The following NHSL2 variants were observed in gnomAD, a reference collection of about 807,000 sequenced individuals.
The protein encoded by NHSL2 is NHS-like protein 2.
In NHSL2, 27 loss-of-function variants were observed where a neutral mutation model predicts 53.4. The ratio of observed to expected loss-of-function variants is 0.51; its 90% CI spans 0.37 to 0.70. The LOEUF is 0.70. Among genes scored for constraint, NHSL2 ranks in the 30% least tolerant of loss-of-function variants. The pLI, the probability that NHSL2 is intolerant of heterozygous loss-of-function variation, is 0.00. For missense variants in NHSL2, 892 were observed against 980.1 expected (o/e 0.91, Z 1.20); for synonymous variants, 408 against 404.1 (o/e 1.01, Z -0.12).
chrX:72,001,562 C>T (rs1200261515), intron 1 of NHSL2, among the ~76,000 whole-genome samples: 1 of 111,870 alleles, frequency 8.9e-6, no homozygotes, highest in African/African-American at 3.3e-5. Context: ...CCCTTGTTTC[C>T]TCCACACTGA....
Position 71,911,193 on chromosome X carries a change from C to G in NHSL2, c.106C>G (p.Leu36Val). ...CGTGAGCCACCTGGCAGCGCTCAGC[C>G]TGCTCCGGCAGCTCGCCGACCTCTG... ...RDVSHLAALS[L>V]LRQLADLCGH... is the part of the protein sequence containing the mutation. The change falls in exon 1 of 8, where the codon CTG (leucine) becomes GTG (valine). Residue 36 changes from leucine to valine, a missense_variant. Physicochemically the swap from Leu to Val is conservative, Grantham distance 32. Coordinates refer to ENST00000633930, the MANE Select transcript of NHSL2 (RefSeq NM_001013627.3). 1.7e-6 allele frequency: 2 copies of G among 1,145,947 alleles called. No individual in the cohort carries two copies. Among genetic ancestry groups the G allele is most frequent in the Non-Finnish European group, 2.3e-6 (2 of 867,926 alleles). 94.4% of individuals were successfully genotyped at this position (1,145,947 alleles called of 1,213,427 possible).
chrX:72,057,719 T>C (rs2042377372), intron 1 of NHSL2, among the ~76,000 whole-genome samples: 1 of 112,085 alleles, frequency 8.9e-6, no homozygotes, highest in African/African-American at 3.3e-5. Context: ...AGGTCAGAGC[T>C]GTTTCTACGA....
At chrX:72,043,919 G>T (rs938999906) in intron 1 of NHSL2, among the ~76,000 whole-genome samples, 14 of 111,988 alleles carry the variant, frequency 1.3e-4, no homozygotes, top group Non-Finnish European at 1.9e-5. Context: ...ACATGAAGGT[G>T]TGGGTTTGTT....
chrX:72,131,933 G>C (rs2042306995), intron 1 of NHSL2, 146 bp from the exon 2 acceptor site: 1 of 536,480 alleles, frequency 1.9e-6, no homozygotes, highest in African/African-American at 2.4e-5. Flanking sequence ...CTTGCGGCCG[G>C]CGATTCCCCG....
intron 1 of NHSL2, among the ~76,000 whole-genome samples, chrX:72,062,100 G>C (rs923976884): frequency 1.8e-5 from 2 of 112,343 alleles, no homozygotes; most frequent in Non-Finnish European, 3.8e-5. Context: ...AAAATCTATT[G>C]AATGAATGAA....
intron 1 of NHSL2, among the ~76,000 whole-genome samples, chrX:72,095,303 A>C (rs765686179): frequency 5.3e-5 from 6 of 112,478 alleles, no homozygotes; most frequent in Admixed American, 3.8e-4. Flanking sequence ...CCCAGAAAAC[A>C]GCTTTTGTTA....
intron 1 of NHSL2, among the ~76,000 whole-genome samples, chrX:72,012,465 T>G (rs1399524248): frequency 8.9e-6 from 1 of 112,582 alleles, no homozygotes; most frequent in Non-Finnish European, 1.9e-5. Context: ...TCCTTCCTTG[T>G]CTAGTCCCGC....
At chrX:71,974,794 C>T (rs182008630) in intron 1 of NHSL2, among the ~76,000 whole-genome samples, 92 of 111,747 alleles carry the variant, frequency 8.2e-4, no homozygotes, top group African/African-American at 2.9e-3. Context: ...TTTCTCCCTC[C>T]CTGAACAATA....
chrX:71,962,216 C>A (rs1417393347), intron 1 of NHSL2, among the ~76,000 whole-genome samples: 1 of 111,602 alleles, frequency 9.0e-6, no homozygotes, highest in Non-Finnish European at 1.9e-5. Context: ...TTGAATTCAG[C>A]CTGCTAATTT....
intron 1 of NHSL2, among the ~76,000 whole-genome samples, chrX:72,049,294 C>T (rs2042326387): frequency 9.0e-6 from 1 of 111,697 alleles, no homozygotes; most frequent in Non-Finnish European, 1.9e-5. Context: ...GCCCAGAATG[C>T]GGATCTGGGG....
At chrX:72,055,047 G>T (rs962683134) in intron 1 of NHSL2, among the ~76,000 whole-genome samples, 2 of 111,704 alleles carry the variant, frequency 1.8e-5, no homozygotes, top group African/African-American at 6.5e-5. Flanking sequence ...TCTTTAGCAA[G>T]CGGGGAGAGA....
chrX:72,112,606 A>G (rs1380710952), intron 1 of NHSL2, among the ~76,000 whole-genome samples: 2 of 112,105 alleles, frequency 1.8e-5, no homozygotes, highest in Non-Finnish European at 3.8e-5. Flanking sequence ...GAGTCATATA[A>G]TGTGTGGCCT....
chrX:71,993,234 A>G (rs2042035305), intron 1 of NHSL2, among the ~76,000 whole-genome samples: 1 of 112,347 alleles, frequency 8.9e-6, no homozygotes, highest in African/African-American at 3.2e-5. Flanking sequence ...AGCTACCCCC[A>G]GTGGCCTGGA....
At chrX:72,075,083 T>C (rs941607812) in intron 1 of NHSL2, among the ~76,000 whole-genome samples, 6 of 111,752 alleles carry the variant, frequency 5.4e-5, no homozygotes, top group Non-Finnish European at 1.1e-4. Flanking sequence ...CAAAATTAGG[T>C]ACCTTTTTGG....
At chrX:71,982,544 G>A (rs1449240880) in intron 1 of NHSL2, among the ~76,000 whole-genome samples, 1 of 111,889 alleles carries the variant, frequency 8.9e-6, no homozygotes, top group East Asian at 2.8e-4. Flanking sequence ...TAGAGGGTTG[G>A]GACTTTCAGC....
At chrX:72,128,278 G>T (rs1021249419) in intron 1 of NHSL2, 1 of 111,735 alleles carries the variant, frequency 8.9e-6, no homozygotes, top group South Asian at 3.8e-4. Context: ...CCTAAGGTCC[G>T]CCTGAGATTA....
chrX:72,139,269 G>A lies in NHSL2; in HGVS notation c.1721G>A (p.Ser574Asn), dbSNP rs1445383550. 6 of 1,199,416 alleles carry A rather than the reference G, an allele frequency of 5.0e-6. No individual in the cohort carries two copies. The South Asian group carries it at 1.1e-4, about 22-fold the overall frequency. Residue 574 changes from serine to asparagine, a missense_variant, in exon 6 of 8, where the codon AGT (serine) becomes AAT (asparagine). Coordinates refer to ENST00000633930, the MANE Select transcript of NHSL2 (RefSeq NM_001013627.3). The part of the protein sequence containing the change: ...AKKKPSPPTR[S>N]VSLVKDEPGL... ...AAGAAGCCTTCCCCACCCACACGCA[G>A]TGTCTCACTGGTCAAAGATGAGCCA... is the stretch of plus-strand genomic sequence containing the variant.
intron 1 of NHSL2, among the ~76,000 whole-genome samples, chrX:71,935,574 G>A (rs1346104157): frequency 8.9e-6 from 1 of 112,820 alleles, no homozygotes; most frequent in Non-Finnish European, 1.9e-5. Context: ...GGTTCCAGGC[G>A]GAGTCGGTTC....
At chrX:72,137,617 C>T (rs2042368833) in intron 5 of NHSL2, among the ~76,000 whole-genome samples, 1 of 111,532 alleles carries the variant, frequency 9.0e-6, no homozygotes, top group Non-Finnish European at 1.9e-5. Context: ...GGTAAGAGCC[C>T]TGGTCTTTCC....
Sources: gnomAD v4.1 joint callset for allele counts (sites outside exome capture counted in the v4.1 genomes callset) on GRCh38, gnomAD v4.1.1 for gene constraint, MANE v1.5 for transcripts, NCBI Gene and HGNC (gene_info 2026-07-23, HGNC 2026-07-21) for gene names.